YPEL1: variants seen among roughly 807,000 people sequenced by gnomAD.
YPEL1 encodes yippee like 1, also known as protein yippee-like 1.
YPEL1 carries 7 observed loss-of-function variants against 17.3 expected under a neutral mutation model. The ratio of observed to expected loss-of-function variants is 0.40; its 90% CI spans 0.23 to 0.76. The LOEUF is 0.76. Among genes scored for constraint, YPEL1 ranks in the 30% least tolerant of loss-of-function variants. The probability of loss-of-function intolerance (pLI) is 0.35; values close to 1 mark genes in which losing one functional copy is unlikely to be tolerated. For missense variants in YPEL1, 91 were observed against 155.5 expected (o/e 0.59, Z 2.21); for synonymous variants, 59 against 59.6 (o/e 0.99, Z 0.05).
chr22:21,711,133 T>C (rs2019746), intron 1 of YPEL1, among the ~76,000 whole-genome samples: 126,018 of 151,444 alleles, frequency 0.83, 52,543 homozygotes, highest in Admixed American at 0.87. Flanking sequence ...AAGCGATTCT[T>C]CTACCTCAGC....
chr22:21,727,659 A>G (rs956804141), intron 1 of YPEL1, among the ~76,000 whole-genome samples: 3 of 152,232 alleles, frequency 2.0e-5, no homozygotes, highest in African/African-American at 7.2e-5. Context: ...CTAAAGACAA[A>G]CACACTGAGG....
Position 21,702,005 on chromosome 22 carries a change from C to T in YPEL1, c.271-787G>A, listed in dbSNP as rs79276745. ...GGTCAAAGCTGCAATGAGCTGAGAT[C>T]GACCAAGACCCTGTCTCAAAAAACA... On this transcript the variant is annotated intron_variant, in intron 4 of 4. Coordinates refer to ENST00000339468, the MANE Select transcript of YPEL1 (RefSeq NM_013313.5). Among the ~76,000 whole-genome samples the T allele has an allele frequency of 7.2e-3, 1,091 of 152,176 alleles. 10 individuals carry two copies. Among genetic ancestry groups the T allele is most frequent in the African/African-American group, 0.025 (1,034 of 41,520 alleles).
rs1341672021 is a variant in YPEL1, at chr22:21,698,452, C to T, written c.*2677G>A. ...TCGGTAGAGTTTTAGAAGTTTCTTCCATGTAAGTGAAGCATCTTGAGTCAC... is the reference window on the plus strand; with the variant it reads ...TCGGTAGAGTTTTAGAAGTTTCTTCTATGTAAGTGAAGCATCTTGAGTCAC... On this transcript the variant is annotated 3_prime_UTR_variant, in exon 5 of 5. Coordinates refer to ENST00000339468, the MANE Select transcript of YPEL1 (RefSeq NM_013313.5). The T allele has an allele frequency of 6.6e-6, 1 of 152,270 alleles. No homozygotes were observed. The highest frequency in any genetic ancestry group is 6.6e-5 in the Admixed American group (1 of 15,248). 9.4% of individuals were successfully genotyped at this position (152,270 alleles called of 1,614,324 possible).
At chr22:21,726,803 C>T (rs2068340221) in intron 1 of YPEL1, among the ~76,000 whole-genome samples, 1 of 152,162 alleles carries the variant, frequency 6.6e-6, no homozygotes, top group African/African-American at 2.4e-5. Context: ...GTGAGGCAGA[C>T]AGATGCAGCG....
At chr22:21,710,321 C>T (rs1156330966) in intron 2 of YPEL1, among the ~76,000 whole-genome samples, 3 of 152,202 alleles carry the variant, frequency 2.0e-5, no homozygotes, top group African/African-American at 7.2e-5. Context: ...ACTTCTTTTG[C>T]TCATTCAGTC....
intron 1 of YPEL1, among the ~76,000 whole-genome samples, chr22:21,723,785 C>T (rs937211140): frequency 6.6e-6 from 1 of 151,620 alleles, no homozygotes; most frequent in African/African-American, 2.4e-5. Flanking sequence ...CCTGCCTAAG[C>T]CTCCTGAGTA....
chr22:21,732,611 G>A (rs538254064), intron 1 of YPEL1, among the ~76,000 whole-genome samples: 13 of 152,112 alleles, frequency 8.5e-5, no homozygotes, highest in African/African-American at 2.2e-4. Flanking sequence ...GTGAAACCCC[G>A]TCTCTATTAA....
Position 21,703,712 on chromosome 22 carries a change from G to GGC in YPEL1, c.161+126_161+127insGC, listed in dbSNP as rs1555903189. The GGC allele has an allele frequency of 2.2e-5, 24 of 1,108,380 alleles. No homozygotes were observed. The African/African-American group carries it at 2.2e-4, about 10-fold the overall frequency. 68.7% of individuals were successfully genotyped at this position (1,108,380 alleles called of 1,614,324 possible). ...TTAGCGCGTTTCAGAAACTCCCGGCGGGGGGATGGTGGGTTCTTTCAGGAC... is the reference window on the plus strand; with the variant it reads ...TTAGCGCGTTTCAGAAACTCCCGGCGGCGGGGGATGGTGGGTTCTTTCAGGAC... On this transcript the variant is annotated intron_variant, in intron 3 of 4. Transcript: ENST00000339468. The surrounding 1 kb of genome is among the most constrained non-coding windows in gnomAD (Gnocchi z 6.1).
At chr22:21,710,944 G>A (rs1324252466) in intron 1 of YPEL1, 36 bp from the exon 2 acceptor site, 19 of 604,856 alleles carry the variant, frequency 3.1e-5, no homozygotes, top group Non-Finnish European at 5.7e-5. Flanking sequence ...GGGTTACAGA[G>A]AGAACATGCG....
chr22:21,713,692 T>C (rs1212158706), intron 1 of YPEL1, among the ~76,000 whole-genome samples: 1 of 152,220 alleles, frequency 6.6e-6, no homozygotes, highest in Admixed American at 6.5e-5. Context: ...TTAATGTCAC[T>C]GAACTGTACA....
At position 21,697,631 on chromosome 22, in the gene YPEL1, C is replaced by T. The variant is rs1486204375; in HGVS notation, c.*3498G>A. Reference sequence around the variant, plus strand: ...GCCAGAGGACAGGGGAAGCTGAAGGCCCCGTGCTTGAGCTCGGCAGTCCTG... The same window carrying T: ...GCCAGAGGACAGGGGAAGCTGAAGGTCCCGTGCTTGAGCTCGGCAGTCCTG... On this transcript the variant is annotated 3_prime_UTR_variant, in exon 5 of 5. Coordinates refer to ENST00000339468, the MANE Select transcript of YPEL1 (RefSeq NM_013313.5). The T allele has an allele frequency of 2.0e-5, 3 of 153,314 alleles. No individual in the cohort carries two copies. The highest frequency in any genetic ancestry group is 4.8e-5 in the African/African-American group (2 of 41,462). The allele number at this position is 153,314 out of a possible 1,614,324, so 9.5% of individuals were successfully genotyped here.
rs745609512 is a variant in YPEL1 at position 21,703,370 on chromosome 22, G to A, written c.270C>T (p.Tyr90=). 1.4e-5 allele frequency: 22 copies of A among 1,613,040 alleles called. No individual in the cohort carries two copies. The highest frequency in any genetic ancestry group is 6.6e-5 in the South Asian group (6 of 91,088). ...ENCKTTLGWK[Y]EHAFESSQKY... is the part of the protein sequence containing the mutation. ...ACGAGCATCCCCTTGTGGCACTCACGTATTTCCACCCGAGCGTGGTCTTGC... is the reference window on the plus strand; with the variant it reads ...ACGAGCATCCCCTTGTGGCACTCACATATTTCCACCCGAGCGTGGTCTTGC... The change falls in exon 4 of 5, where the codon TAC becomes TAT. Residue 90 remains tyrosine, a splice_region_variant and synonymous_variant. Coordinates refer to ENST00000339468, the MANE Select transcript of YPEL1 (RefSeq NM_013313.5). The surrounding 1 kb of genome is among the most constrained non-coding windows in gnomAD (Gnocchi z 6.1).
chr22:21,711,428 G>A (rs1394790139), intron 1 of YPEL1, among the ~76,000 whole-genome samples: 3 of 152,212 alleles, frequency 2.0e-5, no homozygotes, highest in Non-Finnish European at 4.4e-5. Context: ...CAAGACGCCC[G>A]GTGAGTGGGC....
intron 4 of YPEL1, among the ~76,000 whole-genome samples, chr22:21,702,331 G>T (rs2068074117): frequency 6.6e-6 from 1 of 152,210 alleles, no homozygotes; most frequent in African/African-American, 2.4e-5. Context: ...CTGACCAGGG[G>T]AAGGGCTAGG....
At chr22:21,732,954 AT>A (rs916433451) in intron 1 of YPEL1, among the ~76,000 whole-genome samples, 254 of 150,364 alleles carry the variant, frequency 1.7e-3, no homozygotes, top group African/African-American at 5.6e-3. Context: ...ACCAAAAAAA[AT>A]TTTTTTTTTA....
chr22:21,714,553 G>C (rs897739890), intron 1 of YPEL1, among the ~76,000 whole-genome samples: 7 of 152,174 alleles, frequency 4.6e-5, no homozygotes, highest in Non-Finnish European at 4.4e-5. Flanking sequence ...CCACTGACGG[G>C]GTGTGGATGT....
chr22:21,711,171 C>G (rs915193697), intron 1 of YPEL1, among the ~76,000 whole-genome samples: 2 of 151,926 alleles, frequency 1.3e-5, no homozygotes, highest in Admixed American at 6.6e-5. Context: ...TACAGGAACA[C>G]GCCACCAAGC....
chr22:21,713,574 C>T (rs1314265242), intron 1 of YPEL1, among the ~76,000 whole-genome samples: 2 of 152,168 alleles, frequency 1.3e-5, no homozygotes, highest in Non-Finnish European at 2.9e-5. Flanking sequence ...GAAAGAGCTG[C>T]CAGGGGCAGG....
chr22:21,705,359 C>T (rs1016186368), intron 2 of YPEL1, among the ~76,000 whole-genome samples: 5 of 152,114 alleles, frequency 3.3e-5, no homozygotes, highest in African/African-American at 9.7e-5. Flanking sequence ...AATACCACTC[C>T]CACAAAGGAA....
Sources: gnomAD v4.1 joint callset for allele counts (sites outside exome capture counted in the v4.1 genomes callset) on GRCh38, gnomAD v4.1.1 for gene constraint, Gnocchi (gnomAD v3.1) non-coding constraint, MANE v1.5 for transcripts, NCBI Gene and HGNC (gene_info 2026-07-23, HGNC 2026-07-21) for gene names.